The following DNAH5 variants were observed in gnomAD, a reference collection of about 807,000 sequenced individuals.
The protein encoded by DNAH5 is axonemal beta dynein heavy chain 5.
DNAH5 carries 372 observed loss-of-function variants against 518.2 expected under a neutral mutation model. The ratio of observed to expected loss-of-function variants is 0.72; its 90% CI spans 0.66 to 0.78. The LOEUF (loss-of-function observed/expected upper bound fraction) is 0.78, where lower values mean the gene tolerates loss of function less well. Among genes scored for constraint, DNAH5 ranks in the 30% least tolerant of loss-of-function variants. The probability of loss-of-function intolerance (pLI) is 0.00; values close to 1 mark genes in which losing one functional copy is unlikely to be tolerated. For missense variants in DNAH5, 5,523 were observed against 5,687.0 expected (o/e 0.97, Z 0.93); for synonymous variants, 2,039 against 2,025.9 (o/e 1.01, Z -0.17).
chr5:13,729,508 G>A lies in DNAH5; in HGVS notation c.11814C>T (p.Ile3938=). The A allele has an allele frequency of 6.2e-7, 1 of 1,613,890 alleles. No individual in the cohort carries two copies. Among genetic ancestry groups the A allele is most frequent in the Non-Finnish European group, 8.5e-7 (1 of 1,179,846 alleles). The change falls in exon 69 of 79, where the codon ATC becomes ATT. Residue 3938 remains isoleucine, a synonymous_variant. Transcript: ENST00000265104. ...CCAAATTCAGCCATGTTATGTCCAG[G>A]ATCCATTTTGATGGTTTTGGAGGAC... ...KACPPKPSKW[I]LDITWLNLVE...
In DNAH5 at chr5:13,882,939, C is replaced by G. The variant is rs751785066; in HGVS notation, c.3139G>C (p.Gly1047Arg). Residue 1047 changes from glycine to arginine, a missense_variant, in exon 20 of 79, where the codon GGG becomes CGG. Gly to Arg is a moderately radical substitution (Grantham distance 125). Transcript: ENST00000265104. ...AVECIISVPK[G>R]VRQWSSELLS... ...AGTTCACTGCTCCACTGTCTGACCCCCTTAGGGACACTGATGATGCACTCC... is the reference window on the plus strand; with the variant it reads ...AGTTCACTGCTCCACTGTCTGACCCGCTTAGGGACACTGATGATGCACTCC... 3 of 1,614,034 alleles carry G rather than the reference C, an allele frequency of 1.9e-6. No homozygotes were observed. In the African/African-American group the frequency reaches 4.0e-5, roughly 22 times the overall value.
intron 71 of DNAH5, among the ~76,000 whole-genome samples, chr5:13,719,731 A>C (rs1182841241): frequency 1.3e-5 from 2 of 152,150 alleles, no homozygotes; most frequent in African/African-American, 4.8e-5. Flanking sequence ...TGAAAGAATG[A>C]TTGCCTGCTG....
intron 47 of DNAH5, among the ~76,000 whole-genome samples, chr5:13,807,182 A>G (rs1281916175): frequency 1.3e-5 from 2 of 152,208 alleles, no homozygotes; most frequent in East Asian, 3.9e-4. Context: ...CCTGAGCAAC[A>G]GGGACGCATT....
At position 13,721,007 on chromosome 5, in the gene DNAH5, A is replaced by G. The variant is rs142570731; in HGVS notation, c.12272T>C (p.Met4091Thr). Residue 4091 changes from methionine to threonine, a missense_variant, in exon 71 of 79, where the codon ATG becomes ACG. By Grantham distance (81) the Met-to-Thr change is moderately conservative. This residue lies in a region of DNAH5 where 5,121 missense variants were observed against 5,223.3 expected (regional missense o/e 0.98). Coordinates refer to ENST00000265104, the MANE Select transcript of DNAH5 (RefSeq NM_001369.3). ...VHARKLLQQT[M>T]ANGGWALLQN... Reference sequence around the variant, plus strand: ...TAGACTATTCAGCCTTACGTTCGCCATGGTCTGCTGCAAGAGCTTCCGAGC... The same window carrying G: ...TAGACTATTCAGCCTTACGTTCGCCGTGGTCTGCTGCAAGAGCTTCCGAGC... 30 of 1,614,140 alleles carry G rather than the reference A, an allele frequency of 1.9e-5. No homozygotes were observed. The African/African-American group carries it at 3.9e-4, about 21-fold the overall frequency.
intron 49 of DNAH5, 51 bp from the exon 50 acceptor site, chr5:13,792,268 A>T: frequency 6.7e-7 from 1 of 1,500,032 alleles, no homozygotes; most frequent in Non-Finnish European, 9.3e-7. Flanking sequence ...AAGAAATTAA[A>T]TGAAAATGAA....
chr5:13,975,620 G>A (rs758432712), intron 1 of DNAH5, among the ~76,000 whole-genome samples: 8 of 152,158 alleles, frequency 5.3e-5, no homozygotes, highest in Non-Finnish European at 1.2e-4. Context: ...AATTAGTATG[G>A]CTGTACCAGT....
chr5:13,745,286 C>T (rs1402218501), intron 65 of DNAH5, among the ~76,000 whole-genome samples: 2 of 151,936 alleles, frequency 1.3e-5, no homozygotes, highest in East Asian at 1.9e-4. Flanking sequence ...GATACATCAC[C>T]TTCTGGTAAT....
chr5:13,966,901 G>A (rs193053812), intron 1 of DNAH5, among the ~76,000 whole-genome samples: 4 of 152,040 alleles, frequency 2.6e-5, no homozygotes, highest in Admixed American at 2.0e-4. Context: ...TTGCTCTGTC[G>A]CCCAGGCTGG....
At chr5:13,831,415 T>G (rs1395926773) in intron 35 of DNAH5, among the ~76,000 whole-genome samples, 1 of 152,214 alleles carries the variant, frequency 6.6e-6, no homozygotes, top group African/African-American at 2.4e-5. Flanking sequence ...GCAGATCAAT[T>G]ACTTGTTTGC....
At position 13,785,823 on chromosome 5, in the gene DNAH5, C is replaced by A. The variant is rs140041096; in HGVS notation, c.8820+356G>T. On this transcript the variant is annotated intron_variant, in intron 52 of 78. Coordinates refer to ENST00000265104, the MANE Select transcript of DNAH5 (RefSeq NM_001369.3). ...ACATAATGTCCTCAAGGCTTATGTACTATTTTTTTATAGGATATTCTTTGC... is the reference window on the plus strand; with the variant it reads ...ACATAATGTCCTCAAGGCTTATGTAATATTTTTTTATAGGATATTCTTTGC... 5.1e-3 allele frequency among the ~76,000 whole-genome samples: 784 copies of A among 152,242 alleles called. 4 individuals are homozygous for A. Among genetic ancestry groups the A allele is most frequent in the Non-Finnish European group, 6.9e-3 (469 of 68,014 alleles).
intron 1 of DNAH5, among the ~76,000 whole-genome samples, chr5:13,940,288 T>G (rs1164868237): frequency 6.6e-6 from 1 of 152,166 alleles, no homozygotes; most frequent in Non-Finnish European, 1.5e-5. Context: ...CCATATATCC[T>G]CTTTCCCTAA....
Position 13,840,960 on chromosome 5 carries a change from T to C in DNAH5, c.5655A>G (p.Lys1885=). 6.2e-7 allele frequency: 1 copy of C among 1,614,180 alleles called. No individual in the cohort carries two copies. Among genetic ancestry groups the C allele is most frequent in the East Asian group, 2.2e-5 (1 of 44,882 alleles). ...TRDLSSTERV[K]YETLITIHVH... ...CATGAATAGTAATCAGAGTCTCGTA[T>C]TTCACTCGTTCCGTGGAACTCAGAT... The change falls in exon 34 of 79, where the codon AAA becomes AAG. Residue 1885 remains lysine, a synonymous_variant. Transcript: ENST00000265104.
chr5:13,761,314 C>T (rs570087470), intron 60 of DNAH5, among the ~76,000 whole-genome samples: 1 of 152,196 alleles, frequency 6.6e-6, no homozygotes, highest in South Asian at 2.1e-4. Context: ...CACTATGTGG[C>T]CGGGCACAGT....
At chr5:13,868,064 T>G in intron 24 of DNAH5, 72 bp from the exon 25 acceptor site, 1 of 1,133,288 alleles carries the variant, frequency 8.8e-7, no homozygotes, top group South Asian at 1.3e-5. Context: ...ATTTATTAAA[T>G]GATAAGAATG....
rs141736046 is a variant in DNAH5, at chr5:13,901,345, C to T, written c.1959G>A (p.Thr653=). The T allele has an allele frequency of 1.2e-5, 20 of 1,614,126 alleles. No homozygotes were observed. In the African/African-American group the frequency reaches 1.6e-4, roughly 13 times the overall value. Residue 653 remains threonine, a synonymous_variant, in exon 14 of 79, where the codon ACG becomes ACA. Coordinates refer to ENST00000265104, the MANE Select transcript of DNAH5 (RefSeq NM_001369.3). The part of the protein sequence containing the change: ...LFQQHPAVLS[T]AEAKPIIRSY... ...TGCGAATTATAGGTTTGGCTTCTGC[C>T]GTGCTTAGCACAGCTGGGTGCTGCT...
chr5:13,742,929 T>C (rs925598613), intron 65 of DNAH5, among the ~76,000 whole-genome samples: 1 of 151,954 alleles, frequency 6.6e-6, no homozygotes, highest in Non-Finnish European at 1.5e-5. Flanking sequence ...GAAAAAAAAA[T>C]AGAACAATTG....
chr5:13,752,143 A>G lies in DNAH5; in HGVS notation c.11019T>C (p.Ser3673=). The change falls in exon 64 of 79, where the codon TCT becomes TCC. Residue 3673 remains serine (S), a synonymous_variant. Coordinates refer to ENST00000265104, the MANE Select transcript of DNAH5 (RefSeq NM_001369.3). The part of the protein sequence containing the change: ...VLERNFIKTG[S]TFKVKVGDKE... ...CATAGGTTTAACCTACCTTAAAGGT[A>G]GACCCAGTTTTAATGAAGTTTCTTT... 1 of 1,613,946 alleles carries G rather than the reference A, an allele frequency of 6.2e-7. No individual in the cohort carries two copies. Among genetic ancestry groups the G allele is most frequent in the Middle Eastern group, 1.7e-4 (1 of 6,056 alleles).
intron 1 of DNAH5, among the ~76,000 whole-genome samples, chr5:13,931,563 A>G (rs1580947694): frequency 6.6e-6 from 1 of 152,240 alleles, no homozygotes; most frequent in East Asian, 1.9e-4. Context: ...ATAAGCATTC[A>G]ACAGAATATC....
intron 1 of DNAH5, among the ~76,000 whole-genome samples, chr5:13,958,731 C>T (rs73043322): frequency 0.031 from 4,676 of 152,062 alleles, 89 homozygotes; most frequent in Middle Eastern, 0.11. Context: ...TTAACAAAAA[C>T]GATAGTTAAA....
Sources: gnomAD v4.1 joint callset for allele counts (sites outside exome capture counted in the v4.1 genomes callset) on GRCh38, gnomAD v4.1.1 for gene constraint, gnomAD v4.1.1 regional missense constraint, MANE v1.5 for transcripts, NCBI Gene and HGNC (gene_info 2026-07-23, HGNC 2026-07-21) for gene names.